Variants in HIPK3 observed in about 807,000 individuals in gnomAD.
HIPK3 encodes homeodomain-interacting protein kinase 3.
Under a neutral mutation model 124.2 loss-of-function variants are expected in HIPK3, and 47 were observed. The observed-to-expected ratio is 0.38, with a 90% CI of 0.30 to 0.48. The LOEUF (loss-of-function observed/expected upper bound fraction) is 0.48, where lower values mean the gene tolerates loss of function less well. HIPK3 is among the 20% of genes least tolerant of loss of function. The pLI is 0.98. For missense variants in HIPK3, 1,286 were observed against 1,454.3 expected (o/e 0.88, Z 1.88); for synonymous variants, 482 against 515.2 (o/e 0.94, Z 0.87).
chr11:33,291,206 G>A (rs1851689459), intron 2 of HIPK3, among the ~76,000 whole-genome samples: 2 of 152,022 alleles, frequency 1.3e-5, no homozygotes. Context: ...TGCCAATTCT[G>A]GCCTAGTTTA....
chr11:33,347,875 A>G lies in HIPK3; in HGVS notation c.2168A>G (p.His723Arg). 1 of 1,614,198 alleles carries G rather than the reference A, an allele frequency of 6.2e-7. No individual in the cohort carries two copies. Among genetic ancestry groups the G allele is most frequent in the Non-Finnish European group, 8.5e-7 (1 of 1,180,014 alleles). ...DWGKMISCSN[H>R]YNSVMPQPLL... ...AGGAAGATGATTTCATGCAGCAATC[A>G]TTATAACTCAGTGATGCCGCAGCCT... Residue 723 changes from histidine (H) to arginine (R), a missense_variant, in exon 11 of 17, where the codon CAT (histidine) becomes CGT (arginine). By Grantham distance (29) the His-to-Arg change is conservative. This residue lies in a region of HIPK3 where 810 missense variants were observed against 864.9 expected (regional missense o/e 0.94). Transcript: ENST00000303296.
chr11:33,310,206 G>GTGGC (rs898636892), intron 2 of HIPK3, among the ~76,000 whole-genome samples: 1 of 151,940 alleles, frequency 6.6e-6, no homozygotes, highest in African/African-American at 2.4e-5. Flanking sequence ...ACTAATCACT[G>GTGGC]TGGCTGGCTG....
At chr11:33,335,390 A>G (rs1360635515) in intron 3 of HIPK3, among the ~76,000 whole-genome samples, 2 of 152,202 alleles carry the variant, frequency 1.3e-5, no homozygotes, top group East Asian at 3.8e-4. Flanking sequence ...CCAGAAAAGC[A>G]TGGCGTCGTG....
intron 2 of HIPK3, among the ~76,000 whole-genome samples, chr11:33,300,316 C>G (rs865774984): frequency 6.6e-6 from 1 of 151,730 alleles, no homozygotes; most frequent in Admixed American, 6.6e-5. Context: ...CCAGTGCACT[C>G]CAGCCTGGGT....
At chr11:33,324,884 G>A (rs1436281228) in intron 2 of HIPK3, among the ~76,000 whole-genome samples, 2 of 152,264 alleles carry the variant, frequency 1.3e-5, no homozygotes, top group African/African-American at 2.4e-5. Context: ...TCCTCTGCCT[G>A]TATGCTGCCC....
At chr11:33,349,117 C>G (rs1287623739) in intron 13 of HIPK3, 30 bp from the exon 14 acceptor site, 1 of 1,599,870 alleles carries the variant, frequency 6.3e-7, no homozygotes, top group Admixed American at 1.7e-5. Flanking sequence ...TTGTATTTGA[C>G]TCATGTTTTT....
chr11:33,258,590 C>G, intron 1 of HIPK3: 1 of 985,404 alleles, frequency 1.0e-6, no homozygotes, highest in Non-Finnish European at 1.2e-6. Flanking sequence ...GTTACGGTGG[C>G]TGCCGCCCGC....
At chr11:33,304,550 T>TC (rs1183944039) in intron 2 of HIPK3, among the ~76,000 whole-genome samples, 12 of 145,002 alleles carry the variant, frequency 8.3e-5, no homozygotes, top group African/African-American at 3.1e-4. Flanking sequence ...GGAGCAAAAC[T>TC]CCATTTCAAA....
rs1471358171 is a variant in HIPK3, at chr11:33,339,512, C to T, written c.1591C>T (p.Leu531=). 9.4e-6 allele frequency: 15 copies of T among 1,602,538 alleles called. No homozygotes were observed. Among genetic ancestry groups the T allele is most frequent in the Non-Finnish European group, 1.1e-5 (13 of 1,171,894 alleles). The change falls in exon 6 of 17, where the codon CTA becomes TTA. Residue 531 remains leucine (L), a synonymous_variant. Coordinates refer to ENST00000303296, the MANE Select transcript of HIPK3 (RefSeq NM_005734.5). ...NHPFVNMKHL[L]DFPHSNHVKS... ...TCCTTTTGTTAATATGAAACATCTT[C>T]TAGATTTCCCTCATAGCAACCAGTA...
intron 2 of HIPK3, among the ~76,000 whole-genome samples, chr11:33,300,324 G>C (rs1851962265): frequency 6.6e-6 from 1 of 151,750 alleles, no homozygotes. Flanking sequence ...CTCCAGCCTG[G>C]GTGACAAGAG....
intron 1 of HIPK3, among the ~76,000 whole-genome samples, chr11:33,278,279 C>T (rs1851322837): frequency 6.6e-6 from 1 of 151,928 alleles, no homozygotes; most frequent in Admixed American, 6.6e-5. Context: ...GAAAGAGGAA[C>T]TAGAATTTAG....
In HIPK3 at chr11:33,356,709, A is replaced by G. The variant is rs961600276; in HGVS notation, c.*3141A>G. Reference sequence around the variant, plus strand: ...AGTTTGAACTGTTAATTGTTTAACAATTTTAGACTTGTGGCTTTCTTTCTT... The same window carrying G: ...AGTTTGAACTGTTAATTGTTTAACAGTTTTAGACTTGTGGCTTTCTTTCTT... On this transcript the variant is annotated 3_prime_UTR_variant, in exon 17 of 17. Coordinates refer to ENST00000303296, the MANE Select transcript of HIPK3 (RefSeq NM_005734.5). The G allele has an allele frequency of 1.3e-5, 2 of 152,124 alleles. No homozygotes were observed. Among genetic ancestry groups the G allele is most frequent in the Non-Finnish European group, 2.9e-5 (2 of 67,958 alleles). The allele number at this position is 152,124 out of a possible 1,614,324, so 9.4% of individuals were successfully genotyped here.
chr11:33,295,841 A>T (rs527945800), intron 2 of HIPK3, among the ~76,000 whole-genome samples: 2 of 152,324 alleles, frequency 1.3e-5, no homozygotes, highest in South Asian at 4.1e-4. Flanking sequence ...GAGGTGGTGT[A>T]ACTGCCAGGT....
At chr11:33,305,378 A>T (rs1454983370) in intron 2 of HIPK3, among the ~76,000 whole-genome samples, 1 of 152,072 alleles carries the variant, frequency 6.6e-6, no homozygotes, top group Non-Finnish European at 1.5e-5. Context: ...TTCATATGTT[A>T]TTAAGGTAGA....
At chr11:33,256,823 C>T, upstream of HIPK3, 2 of 435,760 alleles carry the variant, frequency 4.6e-6, no homozygotes, top group Non-Finnish European at 3.1e-6. Flanking sequence ...AGGACCCTTC[C>T]CCCGTCCTTG....
chr11:33,338,728 T>C (rs1565093491), intron 4 of HIPK3, 29 bp from the exon 5 acceptor site: 2 of 1,432,820 alleles, frequency 1.4e-6, no homozygotes, highest in Non-Finnish European at 2.0e-6. Context: ...AATAATGTAT[T>C]CTTTTTTCCC....
intron 1 of HIPK3, among the ~76,000 whole-genome samples, chr11:33,265,772 C>CA (rs55837408): frequency 0.016 from 1,062 of 64,596 alleles, 21 homozygotes; most frequent in African/African-American, 0.056. Flanking sequence ...GACCTTGTCT[C>CA]AAAAAAAAAA....
chr11:33,333,027 TGGG>T (rs968012559), intron 3 of HIPK3, among the ~76,000 whole-genome samples: 12 of 152,194 alleles, frequency 7.9e-5, no homozygotes, highest in African/African-American at 2.6e-4. Flanking sequence ...AACTCACTGT[TGGG>T]GGGACAGCAC....
rs1463319720 is a variant in HIPK3, at chr11:33,348,504, T to G, written c.2370-18T>G. 6.4e-7 allele frequency: 1 copy of G among 1,565,318 alleles called. No homozygotes were observed. Among genetic ancestry groups the G allele is most frequent in the East Asian group, 2.3e-5 (1 of 44,242 alleles). ...ATATTTTGATTATAGAAATTATAAA[T>G]TATTCCTTTGGTTGCAGGAGTAATT... is the stretch of plus-strand genomic sequence containing the variant. On this transcript the variant is annotated intron_variant, in intron 12 of 16. Coordinates refer to ENST00000303296, the MANE Select transcript of HIPK3 (RefSeq NM_005734.5).
Sources: allele counts gnomAD v4.1 joint callset (sites outside exome capture counted in the v4.1 genomes callset), GRCh38; gene constraint gnomAD v4.1.1; regional missense constraint gnomAD v4.1.1; transcripts MANE v1.5; gene names NCBI Gene and HGNC (gene_info 2026-07-23, HGNC 2026-07-21).